PLXNC1: variants seen among roughly 807,000 people sequenced by gnomAD.
PLXNC1 encodes the protein plexin-C1.
Under a neutral mutation model 178.2 loss-of-function variants are expected in PLXNC1, and 75 were observed. That is an observed-to-expected ratio of 0.42 (90% CI 0.35 to 0.51). The LOEUF (loss-of-function observed/expected upper bound fraction) is 0.51, where lower values mean the gene tolerates loss of function less well. Among genes scored for constraint, PLXNC1 ranks in the 20% least tolerant of loss-of-function variants. The pLI is 0.02. For synonymous variants in PLXNC1, 790 were observed against 779.9 expected (o/e 1.01, Z -0.22); for missense variants, 1,503 against 1,984.4 (o/e 0.76, Z 4.61).
chr12:94,166,540 T>C (rs924394681), intron 1 of PLXNC1, among the ~76,000 whole-genome samples: 2 of 145,266 alleles, frequency 1.4e-5, no homozygotes, highest in African/African-American at 5.1e-5. Flanking sequence ...TTATTATTAT[T>C]ATTATTATTA....
chr12:94,260,602 G>T lies in PLXNC1; in HGVS notation c.3252-40G>T, dbSNP rs1326423898. On this transcript the variant is annotated intron_variant, in intron 19 of 30. Coordinates refer to ENST00000258526, the MANE Select transcript of PLXNC1 (RefSeq NM_005761.3). The surrounding 1 kb of genome is among the most constrained non-coding windows in gnomAD (Gnocchi z 4.4). Reference sequence around the variant, plus strand: ...GAAACTCCCATGGGTGTCCAGCTAGGCCTGCAGCCAATGGTTCACCCAGCT... The same window carrying T: ...GAAACTCCCATGGGTGTCCAGCTAGTCCTGCAGCCAATGGTTCACCCAGCT... The T allele has an allele frequency of 2.7e-6, 4 of 1,495,794 alleles. No homozygotes were observed. The South Asian group carries it at 3.4e-5, about 13-fold the overall frequency. The allele number at this position is 1,495,794 out of a possible 1,614,324, so 92.7% of individuals were successfully genotyped here. A position where few individuals can be genotyped will look rare whatever the true frequency, so the allele number is the denominator to read the frequency against.
intron 11 of PLXNC1, among the ~76,000 whole-genome samples, chr12:94,243,449 T>C (rs1964446235): frequency 6.6e-6 from 1 of 152,256 alleles, no homozygotes; most frequent in Non-Finnish European, 1.5e-5. Context: ...ATTTACACTT[T>C]GCATGTCATC....
chr12:94,166,524 GTAT>G (rs55733946), intron 1 of PLXNC1, among the ~76,000 whole-genome samples: 21,412 of 143,848 alleles, frequency 0.15, 1,651 homozygotes, highest in African/African-American at 0.17. Flanking sequence ...ATGTTAGCTG[GTAT>G]TATTATTATT....
intron 21 of PLXNC1, chr12:94,277,884 T>C (rs1269192716): frequency 2.2e-6 from 1 of 454,946 alleles, no homozygotes; most frequent in Admixed American, 2.4e-5. Context: ...GGTACTGTTA[T>C]TACACCCATT....
At chr12:94,150,150 T>G in intron 1 of PLXNC1, 117 bp downstream of exon 1, 1 of 867,466 alleles carries the variant, frequency 1.2e-6, no homozygotes, top group Non-Finnish European at 1.7e-6. Context: ...GGGTGACATT[T>G]ACCAGGTCTC....
intron 21 of PLXNC1, among the ~76,000 whole-genome samples, chr12:94,273,265 CTCTT>C (rs1046128787): frequency 2.0e-5 from 3 of 152,150 alleles, no homozygotes; most frequent in African/African-American, 7.2e-5. Context: ...TACAGGGACT[CTCTT>C]TCAGGTGGCA....
intron 28 of PLXNC1, among the ~76,000 whole-genome samples, 193 bp downstream of exon 28, chr12:94,301,250 A>C (rs1968432891): frequency 1.3e-5 from 2 of 152,216 alleles, no homozygotes; most frequent in Non-Finnish European, 2.9e-5. Context: ...TAAAGTGAAA[A>C]ACAAAATAAT....
intron 12 of PLXNC1, among the ~76,000 whole-genome samples, chr12:94,246,995 C>T (rs1964546471): frequency 6.6e-6 from 1 of 152,150 alleles, no homozygotes; most frequent in Admixed American, 6.5e-5. Flanking sequence ...CCCTAACCCA[C>T]CAGCCTCCTC....
chr12:94,160,874 C>T (rs1200544997), intron 1 of PLXNC1, among the ~76,000 whole-genome samples: 2 of 152,134 alleles, frequency 1.3e-5, no homozygotes, highest in African/African-American at 4.8e-5. Context: ...TTAACACATT[C>T]AATAGCAAGA....
rs750335847 is a variant in PLXNC1 at position 94,237,789 on chromosome 12, C to A, written c.2106C>A (p.Thr702=). ...CAATGATCCTGAAAGGAACCAGTACCTGTGATAAGGATGTGTGAGTCGAAA... is the reference window on the plus strand; with the variant it reads ...CAATGATCCTGAAAGGAACCAGTACATGTGATAAGGATGTGTGAGTCGAAA... ...NITMILKGTS[T]CDKDVIQVSH... Residue 702 remains threonine (T), a synonymous_variant, in exon 10 of 31, where the codon ACC becomes ACA. Transcript: ENST00000258526. The A allele has an allele frequency of 6.2e-7, 1 of 1,613,624 alleles. No homozygotes were observed. Among genetic ancestry groups the A allele is most frequent in the East Asian group, 2.2e-5 (1 of 44,876 alleles).
In PLXNC1 at chr12:94,174,528, A is replaced by G. The variant is rs543098967; in HGVS notation, c.1203+5235A>G. ...ATCACAGCAAAATTAAACCGGTTCC[A>G]AAAAGTTCTGTCTGAATTCAAACAG... On this transcript the variant is annotated intron_variant, in intron 2 of 30. Transcript: ENST00000258526. Among the ~76,000 whole-genome samples the G allele has an allele frequency of 9.2e-5, 14 of 152,342 alleles. No homozygotes were observed. The South Asian group carries it at 2.9e-3, about 32-fold the overall frequency.
chr12:94,215,369 A>C (rs1341297517), intron 5 of PLXNC1, among the ~76,000 whole-genome samples: 2 of 152,174 alleles, frequency 1.3e-5, no homozygotes, highest in East Asian at 3.8e-4. Flanking sequence ...TAAAAATGTC[A>C]CTTCTTCCTC....
chr12:94,255,966 C>G (rs1164320379), intron 17 of PLXNC1: 3 of 152,402 alleles, frequency 2.0e-5, no homozygotes, highest in Non-Finnish European at 2.9e-5. Flanking sequence ...TCTCACGCCT[C>G]CATTTTCTCA....
rs1968159514 is a variant in PLXNC1 at position 94,298,562 on chromosome 12, T to G, written c.4075-70T>G. On this transcript the variant is annotated intron_variant, in intron 26 of 30. Coordinates refer to ENST00000258526, the MANE Select transcript of PLXNC1 (RefSeq NM_005761.3). ...ATTTTCTCTGAATGTGGATTTGCTT[T>G]TGCTATTATGTTTTCAAAACCACTA... 3 of 1,231,598 alleles carry G rather than the reference T, an allele frequency of 2.4e-6. No individual in the cohort carries two copies. The South Asian group carries it at 4.4e-5, about 18-fold the overall frequency. 76.3% of individuals were successfully genotyped at this position (1,231,598 alleles called of 1,614,324 possible). A position where few individuals can be genotyped will look rare whatever the true frequency, so the allele number is the denominator to read the frequency against.
intron 20 of PLXNC1, chr12:94,262,752 C>T (rs1172518428): frequency 1.0e-6 from 1 of 985,356 alleles, no homozygotes; most frequent in Non-Finnish European, 1.2e-6. Flanking sequence ...ACAGTAGCTC[C>T]GTGACCGCCA....
At chr12:94,231,110 C>T (rs1331937097) in intron 9 of PLXNC1, among the ~76,000 whole-genome samples, 1 of 152,114 alleles carries the variant, frequency 6.6e-6, no homozygotes, top group Non-Finnish European at 1.5e-5. Flanking sequence ...TGTCTTAGTC[C>T]TTCCTGTTTG....
intron 1 of PLXNC1, among the ~76,000 whole-genome samples, chr12:94,164,697 A>G (rs371779538): frequency 7.5e-6 from 1 of 132,922 alleles, no homozygotes; most frequent in South Asian, 2.4e-4. Context: ...ACACACACAC[A>G]CACACACACG....
intron 10 of PLXNC1, among the ~76,000 whole-genome samples, chr12:94,240,142 A>G (rs1189529529): frequency 6.6e-6 from 1 of 152,186 alleles, no homozygotes; most frequent in Admixed American, 6.5e-5. Context: ...TGCCATTATG[A>G]TACTCAACAG....
intron 12 of PLXNC1, among the ~76,000 whole-genome samples, chr12:94,247,204 G>A (rs1032120475): frequency 2.0e-5 from 3 of 152,122 alleles, no homozygotes; most frequent in East Asian, 1.9e-4. Flanking sequence ...GAGCCACTAC[G>A]CCCAGCCTAT....
Sources: allele counts gnomAD v4.1 joint callset (sites outside exome capture counted in the v4.1 genomes callset), GRCh38; gene constraint gnomAD v4.1.1; non-coding constraint Gnocchi (gnomAD v3.1); transcripts MANE v1.5; gene names NCBI Gene and HGNC (gene_info 2026-07-23, HGNC 2026-07-21).